The following ARF4 variants were observed in gnomAD, a reference collection of about 807,000 sequenced individuals.
The protein encoded by ARF4 is ADP-ribosylation factor 4.
ARF4 carries 5 observed loss-of-function variants against 24.3 expected under a neutral mutation model. The observed-to-expected ratio is 0.21, with a 90% confidence interval of 0.11 to 0.43. The LOEUF (loss-of-function observed/expected upper bound fraction) is 0.43. Among genes scored for constraint, ARF4 ranks in the 20% least tolerant of loss-of-function variants. The pLI is 1.00. For missense variants in ARF4, 107 were observed against 213.0 expected (o/e 0.50, Z 3.10); for synonymous variants, 62 against 73.5 (o/e 0.84, Z 0.80).
At chr3:57,576,010 G>A (rs2069898233) in intron 4 of ARF4, among the ~76,000 whole-genome samples, 1 of 152,114 alleles carries the variant, frequency 6.6e-6, no homozygotes, top group Non-Finnish European at 1.5e-5. Flanking sequence ...AATGTTTATG[G>A]CAGGTTCTTA....
chr3:57,580,765 AT>A (rs1319593228), intron 3 of ARF4, among the ~76,000 whole-genome samples: 1 of 143,484 alleles, frequency 7.0e-6, no homozygotes, highest in African/African-American at 2.5e-5. Flanking sequence ...CTAACTTCCC[AT>A]TTTTATTCTT....
At chr3:57,593,762 C>A (rs1052990199) in intron 1 of ARF4, among the ~76,000 whole-genome samples, 4 of 152,114 alleles carry the variant, frequency 2.6e-5, no homozygotes, top group African/African-American at 4.8e-5. Context: ...TGCAGCCAGG[C>A]TCAGTGGCTC....
chr3:57,585,960 C>A (rs2070032144), intron 1 of ARF4, among the ~76,000 whole-genome samples: 2 of 152,046 alleles, frequency 1.3e-5, no homozygotes, highest in South Asian at 2.1e-4. Flanking sequence ...CTGTGTCCGG[C>A]CTAAATTCTT....
intron 3 of ARF4, among the ~76,000 whole-genome samples, chr3:57,582,115 C>A (rs1575783588): frequency 6.6e-6 from 1 of 152,206 alleles, no homozygotes; most frequent in African/African-American, 2.4e-5. Flanking sequence ...GGTTTCTGGT[C>A]CCAAGAATTT....
chr3:57,597,046 C>G (rs757589144), intron 1 of ARF4, 28 bp downstream of exon 1: 4 of 1,611,178 alleles, frequency 2.5e-6, no homozygotes, highest in Non-Finnish European at 3.4e-6. Flanking sequence ...TTTCCCAGGT[C>G]CCGCCTGACT....
chr3:57,595,375 C>T (rs1296407089), intron 1 of ARF4, among the ~76,000 whole-genome samples: 1 of 152,152 alleles, frequency 6.6e-6, no homozygotes, highest in African/African-American at 2.4e-5. Context: ...CGAAGTCCTC[C>T]CATTAACTTC....
intron 1 of ARF4, among the ~76,000 whole-genome samples, chr3:57,588,919 A>G (rs981378891): frequency 6.6e-6 from 1 of 152,162 alleles, no homozygotes; most frequent in East Asian, 1.9e-4. Context: ...CCTGACCAAC[A>G]TGGAGAAAGC....
rs2069849354 is a variant in ARF4 at position 57,572,148 on chromosome 3, T to C, written c.*64A>G. Reference sequence around the variant, plus strand: ...GTTTAATAACCAAGATACAAACTAATTTTGTTGTAACAAGCCTAGACCAAT... The same window carrying C: ...GTTTAATAACCAAGATACAAACTAACTTTGTTGTAACAAGCCTAGACCAAT... On this transcript the variant is annotated 3_prime_UTR_variant, in exon 6 of 6. Transcript: ENST00000303436. 2 of 1,297,114 alleles carry C rather than the reference T, an allele frequency of 1.5e-6. No individual in the cohort carries two copies. The highest frequency in any genetic ancestry group is 2.9e-5 in the African/African-American group (2 of 68,630). The allele number at this position is 1,297,114 out of a possible 1,614,324, so 80.4% of individuals were successfully genotyped here. A position where few individuals can be genotyped will look rare whatever the true frequency, so the allele number is the denominator to read the frequency against.
chr3:57,585,133 G>A (rs1268976039), intron 1 of ARF4, among the ~76,000 whole-genome samples: 2 of 152,014 alleles, frequency 1.3e-5, no homozygotes, highest in Non-Finnish European at 2.9e-5. Context: ...CAATGTGCTG[G>A]GATTACAAGC....
At chr3:57,596,791 C>A in intron 1 of ARF4, 1 of 395,150 alleles carries the variant, frequency 2.5e-6, no homozygotes, top group Non-Finnish European at 4.7e-6. Context: ...CACATCTCTG[C>A]CCAATGTTGT....
rs947385499 is a variant in ARF4 at position 57,571,392 on chromosome 3, A to C, written c.*820T>G. 1 of 152,630 alleles carries C rather than the reference A, an allele frequency of 6.6e-6. No homozygotes were observed. Among genetic ancestry groups the C allele is most frequent in the Non-Finnish European group, 1.5e-5 (1 of 68,040 alleles). 9.5% of individuals were successfully genotyped at this position (152,630 alleles called of 1,614,324 possible). A position where few individuals can be genotyped will look rare whatever the true frequency, so the allele number is the denominator to read the frequency against. ...GTATTTTATCATTTTATTAGGAATA[A>C]TTCCAAATGGGTTATGAAGAAAATG... On this transcript the variant is annotated 3_prime_UTR_variant, in exon 6 of 6. Coordinates refer to ENST00000303436, the MANE Select transcript of ARF4 (RefSeq NM_001660.4).
chr3:57,573,587 G>A (rs1391994041), intron 5 of ARF4, among the ~76,000 whole-genome samples: 1 of 152,036 alleles, frequency 6.6e-6, no homozygotes, highest in Non-Finnish European at 1.5e-5. Context: ...TTGATTGATC[G>A]ACTGATTGTT....
At chr3:57,594,465 A>C (rs2070157502) in intron 1 of ARF4, among the ~76,000 whole-genome samples, 1 of 152,156 alleles carries the variant, frequency 6.6e-6, no homozygotes, top group African/African-American at 2.4e-5. Context: ...CTAGTACATA[A>C]TTTCTGTCAA....
At chr3:57,580,791 A>ATTT (rs2069961379) in intron 3 of ARF4, among the ~76,000 whole-genome samples, 1 of 147,872 alleles carries the variant, frequency 6.8e-6, no homozygotes, top group African/African-American at 2.5e-5. Flanking sequence ...TTTTTTTTTA[A>ATTT]ATGTAAAGAC....
chr3:57,590,478 T>G lies in ARF4; in HGVS notation c.68-6014A>C, dbSNP rs563413720. Among the ~76,000 whole-genome samples, 5 of 151,790 alleles carry G rather than the reference T, an allele frequency of 3.3e-5. No homozygotes were observed. In the South Asian group the frequency reaches 1.0e-3, roughly 32 times the overall value. ...TCTAGCCTAGGCAACAAAGCAAGAC[T>G]CCGTCTCAAAAAAAGAAAAAAGTTA... On this transcript the variant is annotated intron_variant, in intron 1 of 5. Transcript: ENST00000303436.
Position 57,572,313 on chromosome 3 carries a change from CAAG to C in ARF4, c.457-18_457-16del. On this transcript the variant is annotated splice_polypyrimidine_tract_variant and intron_variant, in intron 5 of 5. Coordinates refer to ENST00000303436, the MANE Select transcript of ARF4 (RefSeq NM_001660.4). ...TGAACATACCACTGTAAAGAGAAGA[CAAG>C]AAAATACTTGATTAACAAAGTTAAT... 6.3e-7 allele frequency: 1 copy of C among 1,584,164 alleles called. No homozygotes were observed. Among genetic ancestry groups the C allele is most frequent in the Non-Finnish European group, 8.7e-7 (1 of 1,154,478 alleles).
intron 5 of ARF4, among the ~76,000 whole-genome samples, chr3:57,572,516 T>C (rs1465815640): frequency 1.3e-5 from 2 of 151,856 alleles, no homozygotes; most frequent in Non-Finnish European, 2.9e-5. Context: ...AGCTTAGTAG[T>C]TCGAGACCAG....
intron 1 of ARF4, among the ~76,000 whole-genome samples, chr3:57,591,435 A>G (rs1228355037): frequency 6.6e-6 from 1 of 151,582 alleles, no homozygotes; most frequent in African/African-American, 2.4e-5. Flanking sequence ...AATATACGCT[A>G]TAATATGAAT....
chr3:57,572,123 G>A lies in ARF4; in HGVS notation c.*89C>T, dbSNP rs1000101374. 1.3e-5 allele frequency: 13 copies of A among 1,029,570 alleles called. No homozygotes were observed. In the African/African-American group the frequency reaches 2.0e-4, roughly 16 times the overall value. The allele number at this position is 1,029,570 out of a possible 1,614,324, so 63.8% of individuals were successfully genotyped here. A position where few individuals can be genotyped will look rare whatever the true frequency, so the allele number is the denominator to read the frequency against. On this transcript the variant is annotated 3_prime_UTR_variant, in exon 6 of 6. Coordinates refer to ENST00000303436, the MANE Select transcript of ARF4 (RefSeq NM_001660.4). ...TCTGCCCAAACCAGTCCCAGATACTGTTTAATAACCAAGATACAAACTAAT... is the reference window on the plus strand; with the variant it reads ...TCTGCCCAAACCAGTCCCAGATACTATTTAATAACCAAGATACAAACTAAT...
Sources: allele counts gnomAD v4.1 joint callset (sites outside exome capture counted in the v4.1 genomes callset), GRCh38; gene constraint gnomAD v4.1.1; transcripts MANE v1.5; gene names NCBI Gene and HGNC (gene_info 2026-07-23, HGNC 2026-07-21).